ASAH2: variants seen among roughly 807,000 people sequenced by gnomAD.
ASAH2 encodes the protein N-acylsphingosine amidohydrolase 2, also known as neutral ceramidase.
ASAH2 carries 58 observed loss-of-function variants against 82.9 expected under a neutral mutation model. The ratio of observed to expected loss-of-function variants is 0.70; its 90% confidence interval spans 0.57 to 0.87. The LOEUF (loss-of-function observed/expected upper bound fraction) is 0.87, where lower values mean the gene tolerates loss of function less well. ASAH2 is among the 40% of genes least tolerant of loss of function. ASAH2 has a pLI of 0.00. For synonymous variants in ASAH2, 276 were observed against 289.7 expected, an observed-to-expected ratio of 0.95 and a Z score of 0.48; for missense variants, 779 against 834.0, an observed-to-expected ratio of 0.93 and a Z score of 0.81.
chr10:50,185,126 C>T lies in ASAH2; in HGVS notation c.*2189G>A, dbSNP rs1266515806. The T allele has an allele frequency of 4.6e-5, 7 of 151,084 alleles. No homozygotes were observed. Among genetic ancestry groups the T allele is most frequent in the African/African-American group, 1.5e-4 (6 of 40,816 alleles). 9.4% of individuals were successfully genotyped at this position (151,084 alleles called of 1,614,324 possible). ...TTTCCACCAATTTCAGGAGTTTCTG[C>T]CACATGGTTTGGCTCCAGTGAGCCA... On this transcript the variant is annotated 3_prime_UTR_variant, in exon 21 of 21. Transcript: ENST00000682911.
At chr10:50,201,036 G>A (rs1208994588) in intron 16 of ASAH2, among the ~76,000 whole-genome samples, 3 of 151,914 alleles carry the variant, frequency 2.0e-5, no homozygotes, top group African/African-American at 7.3e-5. Context: ...AAGCAGAATG[G>A]CAGAATGGCA....
chr10:50,209,914 T>C lies in ASAH2; in HGVS notation c.1414+909A>G, dbSNP rs995200191. Among the ~76,000 whole-genome samples, 4 of 152,108 alleles carry C rather than the reference T, an allele frequency of 2.6e-5. No individual in the cohort carries two copies. In the South Asian group the frequency reaches 8.3e-4, roughly 32 times the overall value. On this transcript the variant is annotated intron_variant, in intron 12 of 20. Transcript: ENST00000682911. ...AAGTATTGGCAAATACATTAAAAAA[T>C]CAGAAAACTATACACTGCCTGTGGA...
In ASAH2 at chr10:50,243,208, C is replaced by T. The variant is rs1330982956; in HGVS notation, c.504G>A (p.Arg168=). The T allele has an allele frequency of 2.5e-6, 4 of 1,613,926 alleles. No homozygotes were observed. The highest frequency in any genetic ancestry group is 3.4e-6 in the Non-Finnish European group (4 of 1,179,950). The change falls in exon 4 of 21, where the codon AGG becomes AGA. Residue 168 remains arginine, a synonymous_variant. Transcript: ENST00000682911. ...CTCCTCTCAAATCACTTACCTCCAG[C>T]CTGAGCCTTTGTGATACCATGCCTA... ...IDIGMVSQRL[R]LEVLNRLQSK...
rs910479512 is a variant in ASAH2, at chr10:50,202,008, T to C, written c.1761+821A>G. 1.5e-3 allele frequency among the ~76,000 whole-genome samples: 224 copies of C among 152,248 alleles called. 2 individuals are homozygous for C. Among genetic ancestry groups the C allele is most frequent in the African/African-American group, 5.3e-3 (219 of 41,562 alleles). On this transcript the variant is annotated intron_variant, in intron 16 of 20. Coordinates refer to ENST00000682911, the MANE Select transcript of ASAH2 (RefSeq NM_019893.4). ...CTATATTTATAATTGACTGAAATGC[T>C]TAATAATAGTTAGAGGTAGTGAAGA...
Position 50,211,085 on chromosome 10 carries a change from G to A in ASAH2, c.1277C>T (p.Ala426Val). The change falls in exon 11 of 21, where the codon GCA becomes GTA. Residue 426 changes from alanine to valine, a missense_variant. Ala to Val is a moderately conservative substitution (Grantham distance 64, BLOSUM62 0). Transcript: ENST00000682911. The stretch of plus-strand genomic sequence containing the variant: ...ATCTGTCATATCCACCCACTGGTGT[G>A]CTGAAGCCAGTGGTCCTGTTACCTC... ...SQEVTGPLAS[A>V]HQWVDMTDVT... is the part of the protein sequence containing the mutation. 4 of 1,613,726 alleles carry A rather than the reference G, an allele frequency of 2.5e-6. No homozygotes were observed. The highest frequency in any genetic ancestry group is 2.2e-5 in the South Asian group (2 of 91,076).
chr10:50,199,287 A>T, intron 16 of ASAH2, 141 bp from the exon 17 acceptor site: 1 of 817,706 alleles, frequency 1.2e-6, no homozygotes, highest in Non-Finnish European at 2.1e-6. Flanking sequence ...TGTATGACAA[A>T]AGAGGATGGG....
chr10:50,194,003 A>C (rs1180034256), intron 18 of ASAH2, among the ~76,000 whole-genome samples: 1 of 151,402 alleles, frequency 6.6e-6, no homozygotes, highest in Non-Finnish European at 1.5e-5. Flanking sequence ...GTCATATAAC[A>C]AGTAAAGAAA....
chr10:50,195,969 C>G (rs1844967844), intron 18 of ASAH2, among the ~76,000 whole-genome samples: 1 of 151,676 alleles, frequency 6.6e-6, no homozygotes, highest in Non-Finnish European at 1.5e-5. Flanking sequence ...GGAATAAGTT[C>G]AAGAGGGCTA....
At chr10:50,218,374 G>T in intron 8 of ASAH2, 136 bp downstream of exon 8, 1 of 1,255,862 alleles carries the variant, frequency 8.0e-7, no homozygotes, top group Non-Finnish European at 1.2e-6. Flanking sequence ...GGTAAATGCT[G>T]TCTATTCAAG....
At chr10:50,205,382 C>G in intron 13 of ASAH2, among the ~76,000 whole-genome samples, 1 of 151,940 alleles carries the variant, frequency 6.6e-6, no homozygotes, top group Non-Finnish European at 1.5e-5. Flanking sequence ...TTTCCTTATT[C>G]AGAATACTAT....
intron 16 of ASAH2, among the ~76,000 whole-genome samples, chr10:50,201,951 C>T (rs1184585128): frequency 2.0e-5 from 3 of 152,064 alleles, no homozygotes; most frequent in Non-Finnish European, 4.4e-5. Flanking sequence ...CTATTGGTGA[C>T]AGAGGTACTG....
rs182538731 is a variant in ASAH2 at position 50,213,215 on chromosome 10, T to G, written c.1141-157A>C. Reference sequence around the variant, plus strand: ...CAAAGTACAAACTATAAAAACAAAATCATACCTGGAATTAGAAGAGTGAAT... The same window carrying G: ...CAAAGTACAAACTATAAAAACAAAAGCATACCTGGAATTAGAAGAGTGAAT... On this transcript the variant is annotated intron_variant, in intron 9 of 20. Coordinates refer to ENST00000682911, the MANE Select transcript of ASAH2 (RefSeq NM_019893.4). Among the ~76,000 whole-genome samples, 762 of 152,266 alleles carry G rather than the reference T, an allele frequency of 5.0e-3. 4 individuals carry two copies. The highest frequency in any genetic ancestry group is 0.017 in the African/African-American group (714 of 41,566).
At chr10:50,245,543 A>G (rs7097483) in intron 2 of ASAH2, 89 bp from the exon 3 acceptor site, 151,167 of 1,176,370 alleles carry the variant, frequency 0.13, 16,436 homozygotes, top group African/African-American at 0.45. Flanking sequence ...GCTCAGGTTC[A>G]TAAGGAAAAC....
rs1845059745 is a variant in ASAH2, at chr10:50,198,736, G to A, written c.1857+315C>T. Among the ~76,000 whole-genome samples, 4 of 151,954 alleles carry A rather than the reference G, an allele frequency of 2.6e-5. No individual in the cohort carries two copies. The South Asian group carries it at 8.3e-4, about 32-fold the overall frequency. ...AGCCTATGTGCTCCTCTGAAAACTG[G>A]GGAGAAATGATATCTCCTTAATTTC... On this transcript the variant is annotated intron_variant, in intron 17 of 20. Coordinates refer to ENST00000682911, the MANE Select transcript of ASAH2 (RefSeq NM_019893.4).
At chr10:50,212,421 G>A (rs1379254315) in intron 10 of ASAH2, among the ~76,000 whole-genome samples, 1 of 152,096 alleles carries the variant, frequency 6.6e-6, no homozygotes, top group Non-Finnish European at 1.5e-5. Context: ...CAGATTTGAT[G>A]AAGAGAGCTT....
chr10:50,224,389 AC>A (rs1343218542), intron 7 of ASAH2, among the ~76,000 whole-genome samples: 112 of 152,146 alleles, frequency 7.4e-4, no homozygotes, highest in African/African-American at 2.7e-3. Flanking sequence ...ATATATATAT[AC>A]AAATATATAT....
intron 4 of ASAH2, among the ~76,000 whole-genome samples, chr10:50,236,795 T>C (rs1846171751): frequency 6.6e-6 from 1 of 152,254 alleles, no homozygotes; most frequent in Admixed American, 6.5e-5. Context: ...GTTGATCTAA[T>C]AAGTAGCAGA....
chr10:50,249,723 G>A (rs979314797), intron 1 of ASAH2, among the ~76,000 whole-genome samples: 6 of 152,136 alleles, frequency 3.9e-5, no homozygotes, highest in Admixed American at 3.3e-4. Context: ...TTTTTTAATA[G>A]ATTCCAAAGT....
intron 9 of ASAH2, among the ~76,000 whole-genome samples, chr10:50,214,304 T>C (rs1845540717): frequency 6.6e-6 from 1 of 152,296 alleles, no homozygotes; most frequent in African/African-American, 2.4e-5. Context: ...ATTATTTGAA[T>C]TTTTACAGCA....
Sources: allele counts gnomAD v4.1 joint callset (sites outside exome capture counted in the v4.1 genomes callset), GRCh38; gene constraint gnomAD v4.1.1; transcripts MANE v1.5; gene names NCBI Gene and HGNC (gene_info 2026-07-23, HGNC 2026-07-21).